Variants in CPEB3 observed in about 807,000 individuals in gnomAD.
CPEB3 encodes cytoplasmic polyadenylation element binding protein 3.
In CPEB3, 20 loss-of-function variants were observed where a neutral mutation model predicts 67.2. That is an observed-to-expected ratio of 0.30 (90% CI 0.21 to 0.43). The LOEUF (loss-of-function observed/expected upper bound fraction) is 0.43, where lower values mean the gene tolerates loss of function less well. Ranked by LOEUF, CPEB3 falls within the 20% of genes least tolerant of loss-of-function variation. The probability of loss-of-function intolerance (pLI) is 1.00; values close to 1 mark genes in which losing one functional copy is unlikely to be tolerated. For synonymous variants in CPEB3, 376 were observed against 393.1 expected, an observed-to-expected ratio of 0.96 and a Z score of 0.51; for missense variants, 746 against 968.6, an observed-to-expected ratio of 0.77 and a Z score of 3.05.
At chr10:92,229,286 G>A (rs59014973) in intron 2 of CPEB3, among the ~76,000 whole-genome samples, 1 of 152,030 alleles carries the variant, frequency 6.6e-6, no homozygotes, top group Non-Finnish European at 1.5e-5. Flanking sequence ...CTCCCACCTT[G>A]GCCCCGCAAA....
At chr10:92,175,181 T>G (rs1247564384) in intron 4 of CPEB3, among the ~76,000 whole-genome samples, 1 of 151,696 alleles carries the variant, frequency 6.6e-6, no homozygotes, top group African/African-American at 2.4e-5. Flanking sequence ...GAAGTTGTGG[T>G]ATTTTGTCAC....
Position 92,050,844 on chromosome 10 carries a change from G to A in CPEB3, c.*1368C>T, listed in dbSNP as rs1046487885. 1 of 152,570 alleles carries A rather than the reference G, an allele frequency of 6.6e-6. No individual in the cohort carries two copies. The highest frequency in any genetic ancestry group is 2.4e-5 in the African/African-American group (1 of 41,426). The allele number at this position is 152,570 out of a possible 1,614,324, so 9.5% of individuals were successfully genotyped here. A position where few individuals can be genotyped will look rare whatever the true frequency, so the allele number is the denominator to read the frequency against. Reference sequence around the variant, plus strand: ...TTTGTAAGCTAAGATGAGCTCTTTGGTTTTCTGGACAAGGTCTGAAGCTAT... The same window carrying A: ...TTTGTAAGCTAAGATGAGCTCTTTGATTTTCTGGACAAGGTCTGAAGCTAT... On this transcript the variant is annotated 3_prime_UTR_variant, in exon 10 of 10. Transcript: ENST00000265997.
At chr10:92,278,655 C>T (rs1842112605) in intron 1 of CPEB3, among the ~76,000 whole-genome samples, 1 of 145,944 alleles carries the variant, frequency 6.9e-6, no homozygotes. Context: ...GGCTGGAGTG[C>T]AGTGGCATGA....
At chr10:92,220,318 A>G (rs1850631404) in intron 2 of CPEB3, among the ~76,000 whole-genome samples, 1 of 152,222 alleles carries the variant, frequency 6.6e-6, no homozygotes, top group African/African-American at 2.4e-5. Context: ...AAATTAACAC[A>G]AAGTTTAATT....
chr10:92,141,725 C>CA lies in CPEB3; in HGVS notation c.1453+1303dup, dbSNP rs774670372. On this transcript the variant is annotated intron_variant, in intron 6 of 9. Transcript: ENST00000265997. The stretch of plus-strand genomic sequence containing the variant: ...ATAAATAATTGATAAGAAAACATAC[C>CA]AAAAAAAAAAAGGCCGGGCATGGTG... 5.2e-3 allele frequency among the ~76,000 whole-genome samples: 715 copies of CA among 138,216 alleles called. 4 individuals are homozygous for CA. Among genetic ancestry groups the CA allele is most frequent in the African/African-American group, 0.016 (599 of 37,986 alleles). The allele number at this position is 138,216 out of a possible 152,430, so 90.7% of individuals were successfully genotyped here. A position where few individuals can be genotyped will look rare whatever the true frequency, so the allele number is the denominator to read the frequency against.
intron 2 of CPEB3, among the ~76,000 whole-genome samples, chr10:92,193,111 C>G (rs917563051): frequency 6.6e-6 from 1 of 151,998 alleles, no homozygotes; most frequent in African/African-American, 2.4e-5. Context: ...ACTTGGGAGG[C>G]TGAGGCAGGA....
At chr10:92,256,062 C>T (rs1227532998) in intron 1 of CPEB3, among the ~76,000 whole-genome samples, 2 of 152,188 alleles carry the variant, frequency 1.3e-5, no homozygotes, top group African/African-American at 4.8e-5. Flanking sequence ...TTTAATGGCA[C>T]CACCATCAGT....
chr10:92,256,319 A>G (rs1387235572), intron 1 of CPEB3, among the ~76,000 whole-genome samples: 1 of 151,978 alleles, frequency 6.6e-6, no homozygotes. Context: ...ACATAGTTTT[A>G]CCATGTTATG....
chr10:92,148,114 T>C (rs188459812), intron 4 of CPEB3, among the ~76,000 whole-genome samples: 41 of 152,300 alleles, frequency 2.7e-4, no homozygotes, highest in Admixed American at 2.0e-3. Context: ...TTTGAACATG[T>C]AAGCACACTC....
At chr10:92,224,054 C>G (rs1255971287) in intron 2 of CPEB3, among the ~76,000 whole-genome samples, 1 of 152,080 alleles carries the variant, frequency 6.6e-6, no homozygotes, top group Non-Finnish European at 1.5e-5. Context: ...TGTAAACCAC[C>G]ATGCCTAGCC....
chr10:92,270,424 T>C (rs1280959583), intron 1 of CPEB3, among the ~76,000 whole-genome samples: 2 of 151,894 alleles, frequency 1.3e-5, no homozygotes, highest in African/African-American at 4.8e-5. Context: ...GATACATTCA[T>C]GAAACTAAAG....
At position 92,251,475 on chromosome 10, in the gene CPEB3, G is replaced by A. The variant is rs537308502; in HGVS notation, c.-11-11114C>T. ...TTGGAACAGGATAAGCAAATAAACA[G>A]AACAAAATTAAAAAGTCTAGAAATA... On this transcript the variant is annotated intron_variant, in intron 1 of 9. Transcript: ENST00000265997. Among the ~76,000 whole-genome samples the A allele has an allele frequency of 3.3e-4, 50 of 151,840 alleles. 1 individual carries two copies. Among genetic ancestry groups the A allele is most frequent in the South Asian group, 2.7e-3 (13 of 4,806 alleles).
At chr10:92,200,141 G>A (rs1710859364) in intron 2 of CPEB3, among the ~76,000 whole-genome samples, 1 of 152,046 alleles carries the variant, frequency 6.6e-6, no homozygotes, top group African/African-American at 2.4e-5. Flanking sequence ...TCTGTCCTTG[G>A]GGGAAAATTA....
intron 2 of CPEB3, among the ~76,000 whole-genome samples, chr10:92,209,690 C>G (rs1849975649): frequency 4.0e-5 from 6 of 151,886 alleles, no homozygotes; most frequent in South Asian, 4.2e-4. Context: ...CTTGTAATCC[C>G]AGCACTTTGG....
At chr10:92,102,222 T>C (rs1163793945) in intron 7 of CPEB3, among the ~76,000 whole-genome samples, 4 of 152,208 alleles carry the variant, frequency 2.6e-5, no homozygotes, top group Non-Finnish European at 5.9e-5. Flanking sequence ...TTAGTAAGAC[T>C]ATATCCTGGG....
chr10:92,143,139 C>A (rs753341294), intron 5 of CPEB3, 21 bp from the exon 6 acceptor site: 1 of 1,589,574 alleles, frequency 6.3e-7, no homozygotes, highest in South Asian at 1.1e-5. Context: ...AAGAAAGAAT[C>A]TTAGCAAAAG....
chr10:92,262,743 CTT>C (rs1001498040), intron 1 of CPEB3, among the ~76,000 whole-genome samples: 1 of 152,108 alleles, frequency 6.6e-6, no homozygotes, highest in African/African-American at 2.4e-5. Context: ...ATTTCTCAGT[CTT>C]TGTTTCCTCT....
intron 1 of CPEB3, among the ~76,000 whole-genome samples, chr10:92,254,200 G>C (rs1275742613): frequency 6.6e-6 from 1 of 151,472 alleles, no homozygotes; most frequent in Non-Finnish European, 1.5e-5. Flanking sequence ...ATGCACCTCA[G>C]CCTGGGCAAC....
At chr10:92,109,339 G>A (rs1020222648) in intron 7 of CPEB3, among the ~76,000 whole-genome samples, 8 of 150,996 alleles carry the variant, frequency 5.3e-5, no homozygotes, top group African/African-American at 1.2e-4. Flanking sequence ...TGCAACCTCC[G>A]CCTCCTGGGT....
Sources: gnomAD v4.1 joint callset for allele counts (sites outside exome capture counted in the v4.1 genomes callset) on GRCh38, gnomAD v4.1.1 for gene constraint, MANE v1.5 for transcripts, NCBI Gene and HGNC (gene_info 2026-07-23, HGNC 2026-07-21) for gene names.